The following TMEM120B variants were observed in gnomAD, a reference collection of about 807,000 sequenced individuals.
TMEM120B encodes the protein transmembrane protein 120B.
Under a neutral mutation model 55.5 loss-of-function variants are expected in TMEM120B, and 31 were observed. The ratio of observed to expected loss-of-function variants is 0.56; its 90% CI spans 0.42 to 0.75. The LOEUF is 0.75. TMEM120B is among the 30% of genes least tolerant of loss of function. TMEM120B has a pLI of 0.00. For synonymous variants in TMEM120B, 203 were observed against 176.3 expected (o/e 1.15, Z -1.20); for missense variants, 399 against 425.5 (o/e 0.94, Z 0.55).
At chr12:121,734,347 C>T (rs1217406665) in intron 1 of TMEM120B, among the ~76,000 whole-genome samples, 1 of 152,000 alleles carries the variant, frequency 6.6e-6, no homozygotes, top group African/African-American at 2.4e-5. Flanking sequence ...CAACCTCTGC[C>T]TCCCAGGTTC....
chr12:121,752,347 A>G (rs1458464765), intron 5 of TMEM120B, 124 bp downstream of exon 5: 3 of 716,752 alleles, frequency 4.2e-6, no homozygotes, highest in Non-Finnish European at 7.2e-6. Flanking sequence ...GATGAGGTGT[A>G]GGGGAGAGAG....
At chr12:121,765,982 G>A (rs571330672) in intron 6 of TMEM120B, among the ~76,000 whole-genome samples, 45 of 152,208 alleles carry the variant, frequency 3.0e-4, no homozygotes, top group Admixed American at 9.2e-4. Context: ...GGGCTGGTGC[G>A]CGCCGTCAAC....
intron 2 of TMEM120B, among the ~76,000 whole-genome samples, chr12:121,744,536 G>C (rs781260528): frequency 3.9e-5 from 6 of 152,326 alleles, no homozygotes; most frequent in East Asian, 3.9e-4. Flanking sequence ...GTGGCCACTA[G>C]GCTGCCATCC....
At chr12:121,759,031 T>C (rs1478840160) in intron 5 of TMEM120B, 5 of 985,210 alleles carry the variant, frequency 5.1e-6, no homozygotes, top group African/African-American at 1.7e-5. Flanking sequence ...TTTTTATATA[T>C]GTAACAAAGT....
chr12:121,714,557 C>CTTTTTTT (rs897759057), intron 1 of TMEM120B, among the ~76,000 whole-genome samples: 2 of 100,234 alleles, frequency 2.0e-5, no homozygotes, highest in African/African-American at 4.0e-5. Context: ...TCAGCCACTT[C>CTTTTTTT]TTTTTTTTTT....
chr12:121,770,850 C>A, intron 6 of TMEM120B, 57 bp from the exon 7 acceptor site: 1 of 1,542,124 alleles, frequency 6.5e-7, no homozygotes, highest in Non-Finnish European at 9.0e-7. Flanking sequence ...CTCAGCGAGA[C>A]ACATGCCTGC....
chr12:121,779,616 C>T lies in TMEM120B; in HGVS notation c.*3894C>T. The T allele has an allele frequency of 6.2e-7, 1 of 1,614,234 alleles. No homozygotes were observed. The highest frequency in any genetic ancestry group is 1.1e-5 in the South Asian group (1 of 91,090). ...CACATTCTCCCGAAACTTGGCGGAA[C>T]ATTCCAGGTAGAGAGCAGCTCGGAT... On this transcript the variant is annotated 3_prime_UTR_variant, in exon 12 of 12. Coordinates refer to ENST00000449592, the MANE Select transcript of TMEM120B (RefSeq NM_001080825.2).
intron 5 of TMEM120B, chr12:121,758,994 T>G: frequency 1.0e-6 from 1 of 985,464 alleles, no homozygotes; most frequent in Non-Finnish European, 1.2e-6. Flanking sequence ...TCAGTTAGTG[T>G]TACAGACAAT....
chr12:121,757,916 G>A (rs946250973), intron 5 of TMEM120B, among the ~76,000 whole-genome samples: 17 of 152,346 alleles, frequency 1.1e-4, no homozygotes, highest in African/African-American at 3.6e-4. Flanking sequence ...GCCTCCCAGA[G>A]TGCTGGAATT....
intron 1 of TMEM120B, among the ~76,000 whole-genome samples, chr12:121,725,212 T>C (rs914879568): frequency 6.6e-6 from 1 of 152,152 alleles, no homozygotes; most frequent in African/African-American, 2.4e-5. Flanking sequence ...TGCTGCAGAA[T>C]GGATTTTCTT....
chr12:121,748,322 G>A lies in TMEM120B; in HGVS notation c.189-4G>A, dbSNP rs376942794. The A allele has an allele frequency of 7.7e-5, 123 of 1,607,110 alleles. No individual in the cohort carries two copies. In the East Asian group the frequency reaches 9.8e-4, roughly 13 times the overall value. On this transcript the variant is annotated splice_polypyrimidine_tract_variant and splice_region_variant and intron_variant, in intron 2 of 11. Transcript: ENST00000449592. Reference sequence around the variant, plus strand: ...TTCCCCTGTGCCTGCATCTCTGTCCGCAGGTGCAAACGCCATGCCAGTCGG... The same window carrying A: ...TTCCCCTGTGCCTGCATCTCTGTCCACAGGTGCAAACGCCATGCCAGTCGG...
intron 5 of TMEM120B, among the ~76,000 whole-genome samples, chr12:121,757,420 C>T (rs1361118529): frequency 6.6e-6 from 1 of 152,096 alleles, no homozygotes; most frequent in Non-Finnish European, 1.5e-5. Context: ...TGGCTCACTG[C>T]AAGCTCCGCC....
At position 121,772,800 on chromosome 12, in the gene TMEM120B, A is replaced by G. The variant is rs142185153; in HGVS notation, c.680-621A>G. Among the ~76,000 whole-genome samples, 4 of 152,376 alleles carry G rather than the reference A, an allele frequency of 2.6e-5. No homozygotes were observed. The East Asian group carries it at 7.7e-4, about 29-fold the overall frequency. On this transcript the variant is annotated intron_variant, in intron 8 of 11. Transcript: ENST00000449592. ...AAACAAATACAAATGTATAAAGCCA[A>G]GAATGGAAATTGTATATCAGCCCAC...
At chr12:121,744,418 C>T (rs1566514168) in intron 2 of TMEM120B, among the ~76,000 whole-genome samples, 1 of 152,278 alleles carries the variant, frequency 6.6e-6, no homozygotes, top group East Asian at 1.9e-4. Context: ...AAGTAGTTTC[C>T]CGGGTGAAAG....
chr12:121,718,204 C>G (rs1008169757), intron 1 of TMEM120B, among the ~76,000 whole-genome samples: 30 of 152,162 alleles, frequency 2.0e-4, no homozygotes, highest in African/African-American at 7.0e-4. Context: ...AACCCATGGC[C>G]TGGCGCAGTG....
chr12:121,761,794 C>T (rs1051105313), intron 6 of TMEM120B, 56 bp downstream of exon 6: 69 of 1,429,534 alleles, frequency 4.8e-5, no homozygotes, highest in South Asian at 1.5e-4. Flanking sequence ...GGAAATGTCA[C>T]GAGGGGCGTC....
At chr12:121,759,724 A>G (rs1179438248) in intron 5 of TMEM120B, among the ~76,000 whole-genome samples, 1 of 151,940 alleles carries the variant, frequency 6.6e-6, no homozygotes, top group Admixed American at 6.6e-5. Context: ...CACTGGGCGC[A>G]GTGGCTCATG....
chr12:121,742,870 C>T (rs989915126), intron 1 of TMEM120B, among the ~76,000 whole-genome samples: 21 of 152,174 alleles, frequency 1.4e-4, no homozygotes, highest in African/African-American at 4.3e-4. Flanking sequence ...CCAGCGCGTC[C>T]GGCCAGCTTA....
intron 3 of TMEM120B, among the ~76,000 whole-genome samples, chr12:121,749,667 A>T (rs529423050): frequency 6.6e-6 from 1 of 152,282 alleles, no homozygotes; most frequent in Admixed American, 6.5e-5. Flanking sequence ...GCACTTTGGG[A>T]GACGGAGGCA....
Sources: gnomAD v4.1 joint callset for allele counts (sites outside exome capture counted in the v4.1 genomes callset) on GRCh38, gnomAD v4.1.1 for gene constraint, MANE v1.5 for transcripts, NCBI Gene and HGNC (gene_info 2026-07-23, HGNC 2026-07-21) for gene names.